Variants in RBFOX1 observed in about 807,000 individuals in gnomAD.
The protein encoded by RBFOX1 is RNA binding fox-1 homolog 1, also known as RNA binding protein fox-1 homolog 1.
Under a neutral mutation model 57.7 loss-of-function variants are expected in RBFOX1, and 8 were observed. The ratio of observed to expected loss-of-function variants is 0.14; its 90% CI spans 0.08 to 0.25. RBFOX1 has a LOEUF of 0.25. Among genes scored for constraint, RBFOX1 ranks in the 10% least tolerant of loss-of-function variants. The pLI, the probability that RBFOX1 is intolerant of heterozygous loss-of-function variation, is 1.00. For missense variants in RBFOX1, 611 were observed against 548.5 expected (o/e 1.11, Z -1.14); for synonymous variants, 326 against 222.4 (o/e 1.47, Z -4.15).
intron 2 of RBFOX1, among the ~76,000 whole-genome samples, chr16:6,642,502 G>C (rs1419795895): frequency 6.6e-6 from 1 of 151,800 alleles, no homozygotes; most frequent in Non-Finnish European, 1.5e-5. Flanking sequence ...AGCAACCCTC[G>C]AGTTACCCGG....
chr16:6,122,357 AACACAC>A (rs61531585), intron 1 of RBFOX1, among the ~76,000 whole-genome samples: 10,451 of 145,378 alleles, frequency 0.072, 803 homozygotes, highest in African/African-American at 0.19. Flanking sequence ...CTAAAAGATA[AACACAC>A]ACACACACAC....
chr16:7,190,663 G>C (rs890348430), intron 4 of RBFOX1, among the ~76,000 whole-genome samples: 2 of 152,132 alleles, frequency 1.3e-5, no homozygotes, highest in Admixed American at 1.3e-4. Flanking sequence ...CATGAAATCA[G>C]AAATTCAGCT....
chr16:6,958,130 C>T (rs1042837857), intron 3 of RBFOX1, among the ~76,000 whole-genome samples: 1 of 152,012 alleles, frequency 6.6e-6, no homozygotes, highest in East Asian at 1.9e-4. Context: ...GGATTTTGCA[C>T]GTTTTTTGAG....
chr16:6,471,778 G>T lies in RBFOX1; in HGVS notation c.-64+154721G>T, dbSNP rs57736194. Among the ~76,000 whole-genome samples the T allele has an allele frequency of 5.5e-3, 834 of 152,226 alleles. 12 individuals carry two copies. The highest frequency in any genetic ancestry group is 0.019 in the African/African-American group (800 of 41,534). On this transcript the variant is annotated intron_variant, in intron 2 of 15. Transcript: ENST00000550418. ...AAAGGGATCTGGAGACTCCTTTGCAGGCTGGCCATGTCTTGTGCAATCCCA... is the reference window on the plus strand; with the variant it reads ...AAAGGGATCTGGAGACTCCTTTGCATGCTGGCCATGTCTTGTGCAATCCCA...
chr16:5,568,602 C>G (rs1032413834), intron 2 of RBFOX1, among the ~76,000 whole-genome samples: 1 of 152,152 alleles, frequency 6.6e-6, no homozygotes. Flanking sequence ...ACTCTGTCTT[C>G]TGTTGTCTGC....
intron 2 of RBFOX1, among the ~76,000 whole-genome samples, chr16:6,462,474 C>G (rs377186691): frequency 6.6e-6 from 1 of 152,126 alleles, no homozygotes; most frequent in Non-Finnish European, 1.5e-5. Flanking sequence ...AGTATGGATG[C>G]GTCACTATTT....
At chr16:6,913,175 G>A (rs2072155258) in intron 3 of RBFOX1, among the ~76,000 whole-genome samples, 2 of 152,044 alleles carry the variant, frequency 1.3e-5, no homozygotes, top group African/African-American at 2.4e-5. Flanking sequence ...TGTTTTTCCT[G>A]TGGGTTACTT....
chr16:7,221,113 G>T (rs74838872), intron 4 of RBFOX1, among the ~76,000 whole-genome samples: 6,091 of 152,060 alleles, frequency 0.04, 151 homozygotes, highest in South Asian at 0.085. Context: ...GATTTGATTT[G>T]CTGCGTTTTA....
At chr16:6,725,802 G>A (rs9936769) in intron 3 of RBFOX1, among the ~76,000 whole-genome samples, 1,567 of 152,048 alleles carry the variant, frequency 0.01, 33 homozygotes, top group African/African-American at 0.035. Flanking sequence ...ATTTTCTGGC[G>A]CCGTGTGTGC....
intron 3 of RBFOX1, among the ~76,000 whole-genome samples, chr16:5,695,123 C>G (rs1413034804): frequency 6.6e-6 from 1 of 152,040 alleles, no homozygotes; most frequent in Non-Finnish European, 1.5e-5. Context: ...GTCCTACAAC[C>G]TTGACATAAA....
chr16:7,567,963 C>A (rs1602043775), intron 5 of RBFOX1, among the ~76,000 whole-genome samples: 1 of 150,650 alleles, frequency 6.6e-6, no homozygotes, highest in African/African-American at 2.4e-5. Context: ...TACAGTATTG[C>A]CCAAGAAAAA....
chr16:7,048,422 G>A (rs1357942727), intron 3 of RBFOX1, among the ~76,000 whole-genome samples: 1 of 151,888 alleles, frequency 6.6e-6, no homozygotes. Flanking sequence ...GCCACACCCA[G>A]CTAATTTTTT....
chr16:5,775,153 C>A (rs534687490), intron 3 of RBFOX1, among the ~76,000 whole-genome samples: 1 of 152,194 alleles, frequency 6.6e-6, no homozygotes, highest in Admixed American at 6.5e-5. Flanking sequence ...CCCAAATCAG[C>A]TCAAAGTAAC....
intron 4 of RBFOX1, among the ~76,000 whole-genome samples, chr16:7,125,493 G>C (rs575947839): frequency 1.3e-5 from 2 of 152,256 alleles, no homozygotes; most frequent in South Asian, 4.1e-4. Flanking sequence ...CAGTTTTCTA[G>C]TTTGAAGTTT....
At chr16:7,150,613 A>G (rs1288837576) in intron 4 of RBFOX1, among the ~76,000 whole-genome samples, 3 of 152,178 alleles carry the variant, frequency 2.0e-5, no homozygotes, top group African/African-American at 4.8e-5. Context: ...TTTCTTCTCT[A>G]TTGACAACTT....
chr16:6,672,716 G>C (rs74005650), intron 3 of RBFOX1, among the ~76,000 whole-genome samples: 4,089 of 152,176 alleles, frequency 0.027, 174 homozygotes, highest in African/African-American at 0.091. Flanking sequence ...TCTTGGGTTT[G>C]GCTTGCCTTG....
chr16:7,495,515 A>G (rs779900689), intron 4 of RBFOX1, among the ~76,000 whole-genome samples: 1 of 152,110 alleles, frequency 6.6e-6, no homozygotes, highest in Non-Finnish European at 1.5e-5. Context: ...AGGCATTTTG[A>G]CTGGTGCGAG....
chr16:5,705,267 A>T (rs934054263), intron 3 of RBFOX1, among the ~76,000 whole-genome samples: 1 of 151,884 alleles, frequency 6.6e-6, no homozygotes, highest in African/African-American at 2.4e-5. Flanking sequence ...GTTTGTTTTT[A>T]TTTTTTTAGT....
chr16:5,578,051 A>C (rs891024542), intron 2 of RBFOX1, among the ~76,000 whole-genome samples: 6 of 152,184 alleles, frequency 3.9e-5, no homozygotes, highest in African/African-American at 1.4e-4. Context: ...TTCCAGGTTC[A>C]AGCGGTTCTC....
Sources: gnomAD v4.1 joint callset for allele counts (sites outside exome capture counted in the v4.1 genomes callset) on GRCh38, gnomAD v4.1.1 for gene constraint, MANE v1.5 for transcripts, NCBI Gene and HGNC (gene_info 2026-07-23, HGNC 2026-07-21) for gene names.